Variants in DNAH12 observed in about 807,000 individuals in gnomAD.
The protein encoded by DNAH12 is axonemal beta dynein heavy chain 12.
A neutral mutation model predicts 371.5 loss-of-function variants in DNAH12; 285 were observed. The observed-to-expected ratio is 0.77, with a 90% CI of 0.70 to 0.85. DNAH12 has a LOEUF of 0.85. DNAH12 is among the 40% of genes least tolerant of loss of function. The pLI is 0.00. For missense variants in DNAH12, 3,611 were observed against 3,689.4 expected, an observed-to-expected ratio of 0.98 and a Z score of 0.55; for synonymous variants, 1,200 against 1,213.0, an observed-to-expected ratio of 0.99 and a Z score of 0.22.
chr3:57,429,466 G>A (rs1262988065), intron 33 of DNAH12, among the ~76,000 whole-genome samples: 4 of 152,252 alleles, frequency 2.6e-5, no homozygotes, highest in Middle Eastern at 3.4e-3. Flanking sequence ...GTGAGCCACC[G>A]TGCCCAGCCA....
Position 57,431,855 on chromosome 3 carries a change from T to A in DNAH12, c.4980+1512A>T, listed in dbSNP as rs192419744. ...AAAGGCTAATTTAAGTCTCTTCTTTTATCCTCAATTTTGCAAAGAACCAAG... is the reference window on the plus strand; with the variant it reads ...AAAGGCTAATTTAAGTCTCTTCTTTAATCCTCAATTTTGCAAAGAACCAAG... On this transcript the variant is annotated intron_variant, in intron 32 of 73. Transcript: ENST00000495027. Among the ~76,000 whole-genome samples the A allele has an allele frequency of 2.2e-4, 33 of 152,296 alleles. 1 individual carries two copies. In the Middle Eastern group the frequency reaches 0.014, roughly 63 times the overall value.
chr3:57,361,361 A>G (rs1217053628), intron 58 of DNAH12, among the ~76,000 whole-genome samples: 1 of 149,900 alleles, frequency 6.7e-6, no homozygotes, highest in African/African-American at 2.5e-5. Context: ...AAAAATATAT[A>G]TACGTATATA....
chr3:57,351,959 T>A (rs1444403677), intron 60 of DNAH12, 126 bp downstream of exon 60: 20 of 970,690 alleles, frequency 2.1e-5, no homozygotes, highest in Non-Finnish European at 2.8e-5. Context: ...ATCAGTGAAA[T>A]GCACAAGTAA....
At chr3:57,491,453 T>G (rs948366144) in intron 11 of DNAH12, among the ~76,000 whole-genome samples, 8 of 152,208 alleles carry the variant, frequency 5.3e-5, no homozygotes, top group African/African-American at 1.9e-4. Context: ...ATATGTACTA[T>G]GTATGTTATA....
In DNAH12 at chr3:57,331,478, G is replaced by A. The variant is rs554474939; in HGVS notation, c.9978+2987C>T. 3.9e-5 allele frequency among the ~76,000 whole-genome samples: 6 copies of A among 152,174 alleles called. No individual in the cohort carries two copies. The South Asian group carries it at 1.2e-3, about 32-fold the overall frequency. ...GACACATATGCACACACAACTATCA[G>A]GCAAGAATGAGATGAATATTAACCA... On this transcript the variant is annotated intron_variant, in intron 62 of 73. Transcript: ENST00000495027.
At chr3:57,354,666 A>C (rs1322595410) in intron 59 of DNAH12, among the ~76,000 whole-genome samples, 1 of 152,118 alleles carries the variant, frequency 6.6e-6, no homozygotes, top group East Asian at 1.9e-4. Flanking sequence ...ACGTACATGA[A>C]TGTTTATAGC....
At chr3:57,316,318 T>C (rs2061685583) in intron 65 of DNAH12, among the ~76,000 whole-genome samples, 1 of 152,156 alleles carries the variant, frequency 6.6e-6, no homozygotes, top group Admixed American at 6.5e-5. Context: ...AGACTTCCAG[T>C]CTTGACCCAA....
chr3:57,397,648 G>A (rs1031938289), intron 43 of DNAH12, among the ~76,000 whole-genome samples: 7 of 152,108 alleles, frequency 4.6e-5, no homozygotes, highest in Non-Finnish European at 8.8e-5. Flanking sequence ...GGAATACAAC[G>A]GAATCAGCAA....
intron 18 of DNAH12, 25 bp downstream of exon 18, chr3:57,462,665 T>C: frequency 6.5e-7 from 1 of 1,540,142 alleles, no homozygotes. Flanking sequence ...TCACATAAAG[T>C]ATTTCAGTTG....
At chr3:57,424,568 G>C (rs1409969852) in intron 35 of DNAH12, among the ~76,000 whole-genome samples, 2 of 151,798 alleles carry the variant, frequency 1.3e-5, no homozygotes, top group Non-Finnish European at 2.9e-5. Flanking sequence ...ACGAGGTCAG[G>C]AGTTCAAGAC....
At chr3:57,503,161 G>A (rs994981636) in intron 9 of DNAH12, among the ~76,000 whole-genome samples, 1 of 152,198 alleles carries the variant, frequency 6.6e-6, no homozygotes, top group African/African-American at 2.4e-5. Flanking sequence ...GCTGAGGCAA[G>A]AAGATCACTT....
At chr3:57,461,350 AT>A (rs2066048268) in intron 19 of DNAH12, 138 bp downstream of exon 19, 2 of 646,914 alleles carry the variant, frequency 3.1e-6, no homozygotes. Context: ...ATGAAATAAA[AT>A]ATCAAAGTTA....
chr3:57,497,050 G>A (rs2067347075), intron 11 of DNAH12, among the ~76,000 whole-genome samples: 1 of 151,934 alleles, frequency 6.6e-6, no homozygotes, highest in South Asian at 2.1e-4. Context: ...ATATTTGCAA[G>A]AGCTGTACAA....
chr3:57,479,800 A>T (rs1380453874), intron 13 of DNAH12, among the ~76,000 whole-genome samples: 1 of 152,232 alleles, frequency 6.6e-6, no homozygotes, highest in Non-Finnish European at 1.5e-5. Context: ...TGGAAACTGA[A>T]AAACCTGCTC....
At position 57,530,360 on chromosome 3, in the gene DNAH12, G is replaced by C. The variant is rs527392493; in HGVS notation, c.171-6476C>G. 5 of 480,386 alleles carry C rather than the reference G, an allele frequency of 1.0e-5. No homozygotes were observed. In the East Asian group the frequency reaches 1.6e-4, roughly 15 times the overall value. 29.8% of individuals were successfully genotyped at this position (480,386 alleles called of 1,614,324 possible). On this transcript the variant is annotated intron_variant, in intron 2 of 73. Transcript: ENST00000495027. Reference sequence around the variant, plus strand: ...GGATGAGGATTTATTTGCCTTTCTGGGCCTTGATTTTCCAAAGATAAAACT... The same window carrying C: ...GGATGAGGATTTATTTGCCTTTCTGCGCCTTGATTTTCCAAAGATAAAACT...
intron 39 of DNAH12, among the ~76,000 whole-genome samples, chr3:57,412,301 T>C (rs1231306996): frequency 6.6e-6 from 1 of 152,040 alleles, no homozygotes; most frequent in Non-Finnish European, 1.5e-5. Flanking sequence ...TTACAACAAT[T>C]AACTAAAAAT....
At chr3:57,539,876 A>G (rs1443178741) in intron 2 of DNAH12, among the ~76,000 whole-genome samples, 1 of 151,716 alleles carries the variant, frequency 6.6e-6, no homozygotes, top group African/African-American at 2.4e-5. Context: ...TCAGCCTCCC[A>G]AAGTGCTGGG....
chr3:57,346,058 C>T (rs2062534332), intron 60 of DNAH12, among the ~76,000 whole-genome samples: 1 of 151,976 alleles, frequency 6.6e-6, no homozygotes, highest in African/African-American at 2.4e-5. Flanking sequence ...CTGAATGTTC[C>T]TAGCACAAAG....
intron 4 of DNAH12, among the ~76,000 whole-genome samples, chr3:57,523,252 C>T (rs1428870833): frequency 6.6e-6 from 1 of 151,926 alleles, no homozygotes; most frequent in African/African-American, 2.4e-5. Context: ...AGCATGGTGG[C>T]ATGTGATTGC....
Sources: allele counts gnomAD v4.1 joint callset (sites outside exome capture counted in the v4.1 genomes callset), GRCh38; gene constraint gnomAD v4.1.1; transcripts MANE v1.5; gene names NCBI Gene and HGNC (gene_info 2026-07-23, HGNC 2026-07-21).